The following ARAP3 variants were observed in gnomAD, a reference collection of about 807,000 sequenced individuals.
ARAP3 encodes ArfGAP with RhoGAP domain, ankyrin repeat and PH domain 3.
ARAP3 carries 82 observed loss-of-function variants against 169.2 expected under a neutral mutation model. The ratio of observed to expected loss-of-function variants is 0.48; its 90% CI spans 0.41 to 0.58. The LOEUF is 0.58. Ranked by LOEUF, ARAP3 falls within the 20% of genes least tolerant of loss-of-function variation. The probability of loss-of-function intolerance (pLI) is 0.00; values close to 1 mark genes in which losing one functional copy is unlikely to be tolerated. For synonymous variants in ARAP3, 791 were observed against 800.3 expected, an observed-to-expected ratio of 0.99 and a Z score of 0.20; for missense variants, 1,764 against 2,018.0, an observed-to-expected ratio of 0.87 and a Z score of 2.41.
chr5:141,679,862 G>T, intron 2 of ARAP3, 40 bp from the exon 3 acceptor site: 1 of 1,609,514 alleles, frequency 6.2e-7, no homozygotes, highest in Non-Finnish European at 8.5e-7. Flanking sequence ...GGAGAGAGGA[G>T]GAAGAACAAG....
At chr5:141,680,792 C>A in intron 1 of ARAP3, 1 of 427,910 alleles carries the variant, frequency 2.3e-6, no homozygotes. Context: ...TCCTGCCCAC[C>A]CTGGGTCTGG....
chr5:141,670,501 CT>C lies in ARAP3; in HGVS notation c.2107+10del. ...GTCCCTGTATCCTCCCATCCCTTGG[CT>C]CCCCCTCACCATCCCGGCCCCTGCG... On this transcript the variant is annotated intron_variant, in intron 14 of 32. Transcript: ENST00000239440. 1.2e-6 allele frequency: 2 copies of C among 1,611,994 alleles called. No individual in the cohort carries two copies. Among genetic ancestry groups the C allele is most frequent in the Non-Finnish European group, 8.5e-7 (1 of 1,178,212 alleles).
In ARAP3 at chr5:141,682,159, G is replaced by GC. The variant is rs1562432489; in HGVS notation, c.-18+13dup. The GC allele has an allele frequency of 6.6e-6, 1 of 152,200 alleles. No individual in the cohort carries two copies. Among genetic ancestry groups the GC allele is most frequent in the African/African-American group, 2.4e-5 (1 of 41,448 alleles). The allele number at this position is 152,200 out of a possible 1,614,324, so 9.4% of individuals were successfully genotyped here. A position where few individuals can be genotyped will look rare whatever the true frequency, so the allele number is the denominator to read the frequency against. On this transcript the variant is annotated intron_variant, in intron 1 of 32. Transcript: ENST00000239440. ...TCTGGGAAGCAGGGACCCGGGGGGC[G>GC]CGGGGGTCCTCACCTCACTACGCGG...
At chr5:141,663,755 C>T (rs182337624) in intron 19 of ARAP3, among the ~76,000 whole-genome samples, 12 of 152,336 alleles carry the variant, frequency 7.9e-5, no homozygotes, top group Non-Finnish European at 1.2e-4. Context: ...TTCCATGTCC[C>T]ATGACTAGTA....
rs368868045 is a variant in ARAP3, at chr5:141,655,423, C to A, written c.4111-23G>T. ...CCGCTGGACACAGGTGGGGTGGGGA[C>A]AAGGGGAAGGAAAGACATAAAGACA... On this transcript the variant is annotated intron_variant, in intron 31 of 32. Coordinates refer to ENST00000239440, the MANE Select transcript of ARAP3 (RefSeq NM_022481.6). 13 of 1,585,358 alleles carry A rather than the reference C, an allele frequency of 8.2e-6. No homozygotes were observed. In the African/African-American group the frequency reaches 1.5e-4, roughly 18 times the overall value.
chr5:141,665,305 A>G lies in ARAP3; in HGVS notation c.2636+6T>C, dbSNP rs745790557. ...GAGCCCCAGGTCAAGGGCAGGGGCA[A>G]TTTACCTTCCTGTCTCCACCAGGAC... On this transcript the variant is annotated splice_donor_region_variant and intron_variant, in intron 18 of 32. Transcript: ENST00000239440. 52 of 1,614,170 alleles carry G rather than the reference A, an allele frequency of 3.2e-5. No homozygotes were observed. Among genetic ancestry groups the G allele is most frequent in the Non-Finnish European group, 4.2e-5 (50 of 1,180,022 alleles).
intron 1 of ARAP3, among the ~76,000 whole-genome samples, chr5:141,681,305 T>C (rs2099912941): frequency 1.3e-5 from 2 of 152,218 alleles, no homozygotes; most frequent in Admixed American, 1.3e-4. Context: ...CATGTTCACA[T>C]GCTGTTCACC....
At position 141,680,512 on chromosome 5, in the gene ARAP3, A is replaced by G; in HGVS notation, c.-17-9T>C. On this transcript the variant is annotated splice_polypyrimidine_tract_variant and intron_variant, in intron 1 of 32. Transcript: ENST00000239440. ...GGGGGCTCAGGCCATTGCTGGGGGG[A>G]GGGGCAGGGTGAAGGGAGGGCTCAG... The G allele has an allele frequency of 6.4e-7, 1 of 1,562,384 alleles. No individual in the cohort carries two copies. Among genetic ancestry groups the G allele is most frequent in the East Asian group, 2.3e-5 (1 of 44,250 alleles).
chr5:141,679,811 C>T lies in ARAP3; in HGVS notation c.536G>A (p.Ser179Asn). 6.2e-7 allele frequency: 1 copy of T among 1,612,018 alleles called. No homozygotes were observed. Among genetic ancestry groups the T allele is most frequent in the Non-Finnish European group, 8.5e-7 (1 of 1,179,420 alleles). The change falls in exon 3 of 33, where the codon AGC becomes AAC. Residue 179 changes from serine to asparagine, a missense_variant. Ser to Asn is a conservative substitution (Grantham distance 46, BLOSUM62 1). Transcript: ENST00000239440. ...AQAAQDKAPDSSQISAPTPAL... is the reference protein window; with the variant it reads ...AQAAQDKAPDNSQISAPTPAL... ...AGGGGTGGGGGCAGAGATTTGGGAGCTGTCTGGGGCCCTGAAGGGAAAGGT... is the reference window on the plus strand; with the variant it reads ...AGGGGTGGGGGCAGAGATTTGGGAGTTGTCTGGGGCCCTGAAGGGAAAGGT...
chr5:141,656,016 AG>A, intron 29 of ARAP3, 47 bp downstream of exon 29: 1 of 1,613,946 alleles, frequency 6.2e-7, no homozygotes, highest in South Asian at 1.1e-5. Context: ...GAGAAAAGAC[AG>A]GGTGCAGAGG....
rs770610212 is a variant in ARAP3, at chr5:141,654,046, T to C, written c.4539A>G (p.Gln1513=). 9 of 1,599,234 alleles carry C rather than the reference T, an allele frequency of 5.6e-6. No homozygotes were observed. The highest frequency in any genetic ancestry group is 7.7e-6 in the Non-Finnish European group (9 of 1,172,404). The change falls in exon 33 of 33, where the codon CAA becomes CAG. Residue 1513 remains glutamine, a synonymous_variant. Coordinates refer to ENST00000239440, the MANE Select transcript of ARAP3 (RefSeq NM_022481.6). ...LGSPSQPSSP[Q]SPSPTGLPTQ... The stretch of plus-strand genomic sequence containing the variant: ...TTGGAAGGCCAGTGGGGCTGGGGGA[T>C]TGGGGGCTGGATGGCTGGGAAGGAC...
intron 32 of ARAP3, 84 bp downstream of exon 32, chr5:141,655,278 A>G (rs2099909126): frequency 6.9e-7 from 1 of 1,457,834 alleles, no homozygotes; most frequent in African/African-American, 1.4e-5. Flanking sequence ...GGCCTACATG[A>G]GGAAAACAGC....
At position 141,672,838 on chromosome 5, in the gene ARAP3, C is replaced by A. The variant is rs763210159; in HGVS notation, c.1181G>T (p.Arg394Leu). 1 of 613,698 alleles carries A rather than the reference C, an allele frequency of 1.6e-6. No individual in the cohort carries two copies. The highest frequency in any genetic ancestry group is 3.0e-6 in the Non-Finnish European group (1 of 336,350). The allele number at this position is 613,698 out of a possible 1,614,324, so 38.0% of individuals were successfully genotyped here. ...LGHPRPPQPP[R>L]PLRTGMLELR... Reference sequence around the variant, plus strand: ...CTCCAGCATGCCCGTGCGGAGGGGTCGGGGTGGTTGGGGGGGCCGGGGGTG... The same window carrying A: ...CTCCAGCATGCCCGTGCGGAGGGGTAGGGGTGGTTGGGGGGGCCGGGGGTG... The change falls in exon 8 of 33, where the codon CGA (arginine) becomes CTA (leucine). Residue 394 changes from arginine (R) to leucine (L), a missense_variant. Transcript: ENST00000239440. The surrounding 1 kb of genome is among the most constrained non-coding windows in gnomAD (Gnocchi z 4.9).
chr5:141,658,717 G>T, intron 23 of ARAP3, 64 bp from the exon 24 acceptor site: 1 of 1,419,036 alleles, frequency 7.0e-7, no homozygotes. Context: ...CAAAGTCAGA[G>T]GGTTCCTCGT....
Position 141,668,022 on chromosome 5 carries a change from A to G in ARAP3, c.2353-1379T>C, listed in dbSNP as rs371399549. 8.4e-4 allele frequency among the ~76,000 whole-genome samples: 128 copies of G among 152,118 alleles called. 2 individuals are homozygous for G. The highest frequency in any genetic ancestry group is 3.0e-3 in the African/African-American group (124 of 41,534). ...TCTTCACCGCACTGTAGCCTGGGAG[A>G]CAAGAGCGAAACTCCATCTCAAAAA... On this transcript the variant is annotated intron_variant, in intron 16 of 32. Coordinates refer to ENST00000239440, the MANE Select transcript of ARAP3 (RefSeq NM_022481.6).
Position 141,669,799 on chromosome 5 carries a change from G to A in ARAP3, c.2262C>T (p.Ser754=). 1 of 1,614,158 alleles carries A rather than the reference G, an allele frequency of 6.2e-7. No individual in the cohort carries two copies. The highest frequency in any genetic ancestry group is 8.5e-7 in the Non-Finnish European group (1 of 1,180,014). ...TCCCCCCAGCGAGGATGAGCTCAAA[G>A]GAAAAGGGGAACCTGGAGAGAAGAT... is the stretch of plus-strand genomic sequence containing the variant. ...PTDPGDRFPF[S]FELILAGGRI... is the part of the protein sequence containing the mutation. The change falls in exon 16 of 33, where the codon TCC becomes TCT. Residue 754 remains serine, a synonymous_variant. Coordinates refer to ENST00000239440, the MANE Select transcript of ARAP3 (RefSeq NM_022481.6).
rs114921133 is a variant in ARAP3, at chr5:141,655,583, C to T, written c.4110+38G>A. On this transcript the variant is annotated intron_variant, in intron 31 of 32. Transcript: ENST00000239440. ...CTACTGCAATGTGACAAGGGCTACA[C>T]GACAGGAATCGGGTTGGGGCAGGGT... is the stretch of plus-strand genomic sequence containing the variant. The T allele has an allele frequency of 2.9e-3, 4,649 of 1,613,394 alleles. 103 individuals carry two copies. The African/African-American group carries it at 0.054, about 19-fold the overall frequency.
At chr5:141,661,507 T>G (rs1297749378) in intron 21 of ARAP3, among the ~76,000 whole-genome samples, 177 bp downstream of exon 21, 4 of 152,214 alleles carry the variant, frequency 2.6e-5, no homozygotes, top group Non-Finnish European at 2.9e-5. Context: ...GGCACCAGAT[T>G]AAAGCCTAGG....
chr5:141,671,229 C>T lies in ARAP3; in HGVS notation c.1990+36G>A. The T allele has an allele frequency of 6.4e-7, 1 of 1,558,980 alleles. No individual in the cohort carries two copies. Among genetic ancestry groups the T allele is most frequent in the African/African-American group, 1.4e-5 (1 of 73,086 alleles). ...GAATCATAGGTTGGGTCTGAGAATT[C>T]CTGTAGGGGAGAGAGGAGGCACTTG... On this transcript the variant is annotated intron_variant, in intron 13 of 32. Coordinates refer to ENST00000239440, the MANE Select transcript of ARAP3 (RefSeq NM_022481.6). The surrounding 1 kb of genome is among the most constrained non-coding windows in gnomAD (Gnocchi z 4.9).
Sources: gnomAD v4.1 joint callset for allele counts (sites outside exome capture counted in the v4.1 genomes callset) on GRCh38, gnomAD v4.1.1 for gene constraint, Gnocchi (gnomAD v3.1) non-coding constraint, MANE v1.5 for transcripts, NCBI Gene and HGNC (gene_info 2026-07-23, HGNC 2026-07-21) for gene names.